Variants in KIAA1671 observed in about 807,000 individuals in gnomAD.
KIAA1671 encodes the protein uncharacterized protein KIAA1671.
KIAA1671 carries 52 observed loss-of-function variants against 131.2 expected under a neutral mutation model. The observed-to-expected ratio is 0.40, with a 90% CI of 0.32 to 0.50. KIAA1671 has a LOEUF of 0.50. KIAA1671 is among the 20% of genes least tolerant of loss of function. KIAA1671 has a pLI of 0.73. For missense variants in KIAA1671, 2,360 were observed against 2,364.2 expected, an observed-to-expected ratio of 1.00 and a Z score of 0.04; for synonymous variants, 1,003 against 961.6, an observed-to-expected ratio of 1.04 and a Z score of -0.80.
At chr22:25,162,063 A>G (rs1456169165) in intron 6 of KIAA1671, among the ~76,000 whole-genome samples, 1 of 152,156 alleles carries the variant, frequency 6.6e-6, no homozygotes, top group East Asian at 1.9e-4. Context: ...GGCATGCCAG[A>G]TCGACTCCCT....
At chr22:24,954,724 C>T (rs1199753201) in intron 1 of KIAA1671, among the ~76,000 whole-genome samples, 1 of 152,114 alleles carries the variant, frequency 6.6e-6, no homozygotes, top group East Asian at 1.9e-4. Flanking sequence ...TGGAAGCTGC[C>T]CCTACCCCCA....
At chr22:24,953,252 C>G (rs537764596) in intron 1 of KIAA1671, among the ~76,000 whole-genome samples, 1 of 152,154 alleles carries the variant, frequency 6.6e-6, no homozygotes, top group Non-Finnish European at 1.5e-5. Context: ...GATCCCGTGG[C>G]TAGGAGCTGA....
At chr22:25,081,076 A>T (rs1929379286) in intron 6 of KIAA1671, among the ~76,000 whole-genome samples, 1 of 152,138 alleles carries the variant, frequency 6.6e-6, no homozygotes, top group African/African-American at 2.4e-5. Flanking sequence ...TGCTGAAAGG[A>T]ACCGTAAATG....
intron 6 of KIAA1671, among the ~76,000 whole-genome samples, chr22:25,136,164 G>T (rs1319558448): frequency 6.6e-6 from 1 of 152,192 alleles, no homozygotes; most frequent in South Asian, 2.1e-4. Flanking sequence ...CAGGGAGGGA[G>T]CTCATGTTCC....
intron 1 of KIAA1671, among the ~76,000 whole-genome samples, chr22:24,978,375 C>T (rs1325951172): frequency 1.3e-5 from 2 of 152,174 alleles, no homozygotes; most frequent in East Asian, 3.8e-4. Context: ...TGAGGCCTCC[C>T]TAGCCATATG....
chr22:25,132,183 G>T (rs1400760739), intron 6 of KIAA1671, among the ~76,000 whole-genome samples: 1 of 152,166 alleles, frequency 6.6e-6, no homozygotes, highest in East Asian at 1.9e-4. Flanking sequence ...GGCTTGCATT[G>T]TTTCCAAAAC....
intron 1 of KIAA1671, among the ~76,000 whole-genome samples, chr22:24,971,774 G>A (rs138953629): frequency 1.0e-3 from 154 of 152,288 alleles, no homozygotes; most frequent in Middle Eastern, 6.8e-3. Flanking sequence ...GTAGGTAGAG[G>A]GTTGGGGGGT....
chr22:25,110,163 T>G (rs182661746), intron 6 of KIAA1671: 3 of 152,276 alleles, frequency 2.0e-5, no homozygotes, highest in Admixed American at 2.0e-4. Flanking sequence ...AGAAAGAGAA[T>G]GAATAGCTGT....
At chr22:24,986,000 A>G (rs1923510191) in intron 1 of KIAA1671, among the ~76,000 whole-genome samples, 1 of 151,982 alleles carries the variant, frequency 6.6e-6, no homozygotes, top group Non-Finnish European at 1.5e-5. Context: ...TGTGTGTGTT[A>G]TGGGGGATGG....
intron 6 of KIAA1671, among the ~76,000 whole-genome samples, chr22:25,162,874 A>G (rs1601371384): frequency 6.6e-6 from 1 of 152,248 alleles, no homozygotes; most frequent in South Asian, 2.1e-4. Context: ...AATATTTACT[A>G]TCTAGCCCTT....
rs369681154 is a variant in KIAA1671 at position 25,187,293 on chromosome 22, G to GA, written c.5342+2178dup. On this transcript the variant is annotated intron_variant, in intron 11 of 12. Transcript: ENST00000358431. ...TACAAAAAGAATACAAAGGGGAAAA[G>GA]AAAATCATCCACGATCCTACTGTGC... 1.6e-4 allele frequency among the ~76,000 whole-genome samples: 25 copies of GA among 152,322 alleles called. 1 individual carries two copies. The East Asian group carries it at 4.1e-3, about 25-fold the overall frequency.
chr22:25,083,877 CA>C (rs995644246), intron 6 of KIAA1671, among the ~76,000 whole-genome samples: 3 of 152,194 alleles, frequency 2.0e-5, no homozygotes, highest in Admixed American at 6.5e-5. Context: ...GCTACCTGCC[CA>C]GGGGGGAGTG....
At chr22:24,953,184 G>A (rs1359837266) in intron 1 of KIAA1671, among the ~76,000 whole-genome samples, 1 of 152,178 alleles carries the variant, frequency 6.6e-6, no homozygotes, top group African/African-American at 2.4e-5. Context: ...TCGAGACTGG[G>A]AGCGAGAGGA....
At chr22:25,174,060 C>A (rs112504871) in intron 7 of KIAA1671, among the ~76,000 whole-genome samples, 180 bp from the exon 8 acceptor site, 1 of 152,180 alleles carries the variant, frequency 6.6e-6, no homozygotes, top group Non-Finnish European at 1.5e-5. Context: ...TTAGACAGCA[C>A]CTCGCTGGCA....
Position 25,040,838 on chromosome 22 carries a change from G to T in KIAA1671, c.3708G>T (p.Arg1236Ser), listed in dbSNP as rs1473994213. Reference sequence around the variant, plus strand: ...AGCCCAGTACGTTGCCTCGGGAGAGGCCTGTTCAGCTGGGCGGGGTGGAGC... The same window carrying T: ...AGCCCAGTACGTTGCCTCGGGAGAGTCCTGTTCAGCTGGGCGGGGTGGAGC... ...TVEPSTLPRE[R>S]PVQLGGVEQR... Residue 1236 changes from arginine to serine, a missense_variant, in exon 5 of 13, where the codon AGG (arginine) becomes AGT (serine). Transcript: ENST00000358431. 55 of 1,551,058 alleles carry T rather than the reference G, an allele frequency of 3.5e-5. No individual in the cohort carries two copies. Among genetic ancestry groups the T allele is most frequent in the Non-Finnish European group, 4.7e-5 (54 of 1,146,596 alleles).
At chr22:25,010,649 A>G (rs528037598) in intron 1 of KIAA1671, 1 of 152,304 alleles carries the variant, frequency 6.6e-6, no homozygotes, top group East Asian at 1.9e-4. Flanking sequence ...CGTTAAAGGA[A>G]CCACAGCCAC....
At chr22:25,046,592 C>G (rs553906991) in intron 5 of KIAA1671, among the ~76,000 whole-genome samples, 3 of 152,208 alleles carry the variant, frequency 2.0e-5, no homozygotes, top group Non-Finnish European at 4.4e-5. Flanking sequence ...AAACATTCCC[C>G]TGATACCTGC....
chr22:25,067,754 C>T (rs1298766586), intron 6 of KIAA1671, among the ~76,000 whole-genome samples: 1 of 152,220 alleles, frequency 6.6e-6, no homozygotes, highest in Non-Finnish European at 1.5e-5. Context: ...ACAGTCAACC[C>T]TTAGCAGCCT....
At chr22:25,122,167 G>A (rs1238941175) in intron 6 of KIAA1671, among the ~76,000 whole-genome samples, 1 of 152,180 alleles carries the variant, frequency 6.6e-6, no homozygotes, top group African/African-American at 2.4e-5. Context: ...GGTAGGAAGT[G>A]GGACTCGACT....
Sources: gnomAD v4.1 joint callset for allele counts (sites outside exome capture counted in the v4.1 genomes callset) on GRCh38, gnomAD v4.1.1 for gene constraint, MANE v1.5 for transcripts, NCBI Gene and HGNC (gene_info 2026-07-23, HGNC 2026-07-21) for gene names.